Variants in SGMS2 observed in about 807,000 individuals in gnomAD.
SGMS2 encodes the protein phosphatidylcholine:ceramide cholinephosphotransferase 2.
In SGMS2, 21 loss-of-function variants were observed where a neutral mutation model predicts 43.8. The observed-to-expected ratio is 0.48, with a 90% CI of 0.34 to 0.69. The LOEUF is 0.69. SGMS2 is among the 30% of genes least tolerant of loss of function. SGMS2 has a pLI of 0.01. For missense variants in SGMS2, 384 were observed against 443.2 expected (o/e 0.87, Z 1.20); for synonymous variants, 167 against 160.6 (o/e 1.04, Z -0.30).
chr4:107,831,997 G>A (rs1041218762), intron 1 of SGMS2, among the ~76,000 whole-genome samples: 11 of 152,086 alleles, frequency 7.2e-5, no homozygotes, highest in African/African-American at 2.2e-4. Context: ...GAAAGTGCCC[G>A]GGCCACTAAG....
At chr4:107,869,614 G>GT (rs1427775881) in intron 2 of SGMS2, among the ~76,000 whole-genome samples, 2 of 151,964 alleles carry the variant, frequency 1.3e-5, no homozygotes, top group Non-Finnish European at 2.9e-5. Context: ...CTAGGTATTT[G>GT]TTTTTTTAAG....
chr4:107,854,830 C>T lies in SGMS2; in HGVS notation c.-326-3642C>T, dbSNP rs146026610. ...GAAACAGTGAAAAACTATCAAGTGACGTCATATGGCGGTCTTCCCTGGTCT... is the reference window on the plus strand; with the variant it reads ...GAAACAGTGAAAAACTATCAAGTGATGTCATATGGCGGTCTTCCCTGGTCT... On this transcript the variant is annotated intron_variant, in intron 1 of 6. Transcript: ENST00000690982. 1.3e-3 allele frequency among the ~76,000 whole-genome samples: 197 copies of T among 152,284 alleles called. 1 individual carries two copies. Among genetic ancestry groups the T allele is most frequent in the African/African-American group, 4.5e-3 (187 of 41,570 alleles).
intron 1 of SGMS2, among the ~76,000 whole-genome samples, chr4:107,850,591 A>C (rs1402238291): frequency 1.3e-5 from 2 of 152,208 alleles, no homozygotes; most frequent in Non-Finnish European, 2.9e-5. Context: ...TAGCCCAAGA[A>C]GAGAGGTGTG....
chr4:107,867,724 T>G (rs1728230844), intron 2 of SGMS2: 3 of 152,140 alleles, frequency 2.0e-5, no homozygotes, highest in Non-Finnish European at 4.4e-5. Flanking sequence ...CATTTAGAAC[T>G]GTGGCATTTG....
chr4:107,870,909 C>T (rs936640012), intron 2 of SGMS2, among the ~76,000 whole-genome samples: 2 of 152,148 alleles, frequency 1.3e-5, no homozygotes, highest in African/African-American at 4.8e-5. Flanking sequence ...TCATCAATGA[C>T]AATTAGATTT....
chr4:107,886,696 T>C (rs2126097279), intron 2 of SGMS2: 1 of 152,238 alleles, frequency 6.6e-6, no homozygotes, highest in Non-Finnish European at 1.5e-5. Flanking sequence ...ACAGGGACTG[T>C]GTAGACATGT....
chr4:107,904,828 C>T (rs963453342), intron 5 of SGMS2, among the ~76,000 whole-genome samples: 2 of 152,050 alleles, frequency 1.3e-5, no homozygotes, highest in Admixed American at 1.3e-4. Context: ...TGCTTTGGTT[C>T]TAACTCTAAT....
At position 107,903,419 on chromosome 4, in the gene SGMS2, G is replaced by A; in HGVS notation, c.727+33G>A. The A allele has an allele frequency of 2.5e-6, 4 of 1,605,442 alleles. No homozygotes were observed. The East Asian group carries it at 8.9e-5, about 36-fold the overall frequency. On this transcript the variant is annotated intron_variant, in intron 5 of 6. Transcript: ENST00000690982. Reference sequence around the variant, plus strand: ...ATAGCCCATTCCCACTGAACTGATAGCTGTAGTGGGAGGGATCCCTGGGCC... The same window carrying A: ...ATAGCCCATTCCCACTGAACTGATAACTGTAGTGGGAGGGATCCCTGGGCC...
At chr4:107,858,029 C>T (rs1008975906) in intron 1 of SGMS2, among the ~76,000 whole-genome samples, 1 of 152,098 alleles carries the variant, frequency 6.6e-6, no homozygotes, top group Admixed American at 6.5e-5. Flanking sequence ...ATCCCCAACC[C>T]TTATTAAGTC....
intron 2 of SGMS2, chr4:107,893,095 G>T (rs754394515): frequency 2.0e-5 from 3 of 152,078 alleles, no homozygotes; most frequent in Admixed American, 2.0e-4. Flanking sequence ...GGGGCACAAA[G>T]CTCTTCACAA....
intron 1 of SGMS2, among the ~76,000 whole-genome samples, chr4:107,854,438 C>G (rs187217112): frequency 1.3e-5 from 2 of 152,120 alleles, no homozygotes; most frequent in African/African-American, 2.4e-5. Context: ...GAATATTCTT[C>G]CAAGTTGTTT....
In SGMS2 at chr4:107,913,879, A is replaced by G. The variant is rs796478866; in HGVS notation, c.*3326A>G. 3.3e-5 allele frequency: 5 copies of G among 152,234 alleles called. No individual in the cohort carries two copies. Among genetic ancestry groups the G allele is most frequent in the African/African-American group, 1.2e-4 (5 of 41,556 alleles). The allele number at this position is 152,234 out of a possible 1,614,324, so 9.4% of individuals were successfully genotyped here. On this transcript the variant is annotated 3_prime_UTR_variant, in exon 7 of 7. Coordinates refer to ENST00000690982, the MANE Select transcript of SGMS2 (RefSeq NM_001375905.1). ...TGAAAGTTCACATCTTGCCCCTTGA[A>G]TAGTTTGAACATTTCTTTCTTAATT...
At chr4:107,876,418 C>A (rs1480893510) in intron 2 of SGMS2, among the ~76,000 whole-genome samples, 2 of 152,158 alleles carry the variant, frequency 1.3e-5, no homozygotes, top group African/African-American at 2.4e-5. Flanking sequence ...ATCTAACTCA[C>A]TTCTATAGAT....
chr4:107,869,133 T>G (rs1185934319), intron 2 of SGMS2, among the ~76,000 whole-genome samples: 1 of 152,170 alleles, frequency 6.6e-6, no homozygotes, highest in African/African-American at 2.4e-5. Flanking sequence ...GTGTTTCTTT[T>G]TAAAAGGGAA....
intron 1 of SGMS2, among the ~76,000 whole-genome samples, chr4:107,841,700 G>C (rs991008717): frequency 1.3e-5 from 2 of 151,896 alleles, no homozygotes; most frequent in Non-Finnish European, 2.9e-5. Context: ...GTCTCACTAT[G>C]TTGCCTAGGC....
chr4:107,910,701 A>G lies in SGMS2; in HGVS notation c.*148A>G, dbSNP rs1248022860. The stretch of plus-strand genomic sequence containing the variant: ...AAACGATTAGAAAGATGAACAAAGT[A>G]TTGCCCTTTGACTGGTTTTCTTCTT... On this transcript the variant is annotated 3_prime_UTR_variant, in exon 7 of 7. Transcript: ENST00000690982. The G allele has an allele frequency of 2.9e-6, 2 of 687,348 alleles. No individual in the cohort carries two copies. The highest frequency in any genetic ancestry group is 4.8e-6 in the Non-Finnish European group (2 of 415,780). The allele number at this position is 687,348 out of a possible 1,614,324, so 42.6% of individuals were successfully genotyped here. A position where few individuals can be genotyped will look rare whatever the true frequency, so the allele number is the denominator to read the frequency against.
intron 2 of SGMS2, among the ~76,000 whole-genome samples, chr4:107,889,765 C>A (rs1730054016): frequency 6.6e-6 from 1 of 151,990 alleles, no homozygotes; most frequent in Non-Finnish European, 1.5e-5. Flanking sequence ...GGAAACAACT[C>A]AGGTGAAAAT....
rs1448832063 is a variant in SGMS2, at chr4:107,895,765, A to G, written c.212A>G (p.Lys71Arg). 3 of 1,613,956 alleles carry G rather than the reference A, an allele frequency of 1.9e-6. No homozygotes were observed. Among genetic ancestry groups the G allele is most frequent in the East Asian group, 2.2e-5 (1 of 44,842 alleles). Reference sequence around the variant, plus strand: ...GCTATGCCCACTGAATCAAGGAACAAATTTCCACTAGAGTGGTGGAAAACG... The same window carrying G: ...GCTATGCCCACTGAATCAAGGAACAGATTTCCACTAGAGTGGTGGAAAACG... ...QIAMPTESRN[K>R]FPLEWWKTGI... Residue 71 changes from lysine (K) to arginine (R), a missense_variant, in exon 3 of 7, where the codon AAA (lysine) becomes AGA (arginine). Physicochemically the swap from Lys to Arg is conservative, Grantham distance 26. Transcript: ENST00000690982.
intron 2 of SGMS2, among the ~76,000 whole-genome samples, chr4:107,883,604 G>A (rs1729527601): frequency 6.6e-6 from 1 of 152,116 alleles, no homozygotes. Flanking sequence ...TTATATATCT[G>A]TCTTGCAATT....
Sources: gnomAD v4.1 joint callset for allele counts (sites outside exome capture counted in the v4.1 genomes callset) on GRCh38, gnomAD v4.1.1 for gene constraint, MANE v1.5 for transcripts, NCBI Gene and HGNC (gene_info 2026-07-23, HGNC 2026-07-21) for gene names.